The following KICS2 variants were observed in gnomAD, a reference collection of about 807,000 sequenced individuals.
KICS2 encodes the protein KICSTOR subunit 2, also known as KICSTOR complex protein C12orf66.
A neutral mutation model predicts 31.4 loss-of-function variants in KICS2; 13 were observed. The observed-to-expected ratio is 0.41, with a 90% CI of 0.27 to 0.66. The LOEUF is 0.66. KICS2 is among the 30% of genes least tolerant of loss of function. The pLI is 0.28. For synonymous variants in KICS2, 209 were observed against 214.8 expected, an observed-to-expected ratio of 0.97 and a Z score of 0.24; for missense variants, 455 against 545.4, an observed-to-expected ratio of 0.83 and a Z score of 1.65.
chr12:64,216,787 T>C (rs2037633097), intron 1 of KICS2, among the ~76,000 whole-genome samples: 1 of 152,198 alleles, frequency 6.6e-6, no homozygotes, highest in Non-Finnish European at 1.5e-5. Flanking sequence ...CTTCTGTATG[T>C]ACACATGAGC....
rs1555181404 is a variant in KICS2 at position 64,201,628 on chromosome 12, A to AAAC, written c.522-6971_522-6970insGTT. Among the ~76,000 whole-genome samples the AAAC allele has an allele frequency of 2.7e-3, 397 of 146,088 alleles. 5 individuals are homozygous for AAAC. The highest frequency in any genetic ancestry group is 9.2e-3 in the African/African-American group (359 of 38,934). On this transcript the variant is annotated intron_variant, in intron 2 of 2. Coordinates refer to ENST00000398055, the MANE Select transcript of KICS2 (RefSeq NM_152440.5). ...AATAAAAAAAAAAAAAGAAAAAAAA[A>AAAC]AAAAACAAAATGGTGGCCAGCCTGG...
At chr12:64,221,850 G>GAAGGA (rs2037686650) in intron 1 of KICS2, 153 bp downstream of exon 1, 1 of 871,426 alleles carries the variant, frequency 1.1e-6, no homozygotes, top group African/African-American at 1.7e-5. Flanking sequence ...GAAGCCCAGG[G>GAAGGA]AAGGAAAGGA....
At chr12:64,201,618 A>AC (rs2037490147) in intron 2 of KICS2, among the ~76,000 whole-genome samples, 15 of 102,902 alleles carry the variant, frequency 1.5e-4, no homozygotes, top group African/African-American at 6.1e-4. Context: ...AAAAAAAAAA[A>AC]GAAAAAAAAA....
intron 2 of KICS2, among the ~76,000 whole-genome samples, chr12:64,211,733 G>A (rs889148035): frequency 6.6e-6 from 1 of 152,036 alleles, no homozygotes; most frequent in Non-Finnish European, 1.5e-5. Flanking sequence ...TGACCCATGT[G>A]AACATATTAT....
chr12:64,203,289 A>G (rs2037507405), intron 2 of KICS2, among the ~76,000 whole-genome samples: 1 of 152,210 alleles, frequency 6.6e-6, no homozygotes, highest in African/African-American at 2.4e-5. Flanking sequence ...AGTAGACTAG[A>G]ATGGCAGGGA....
downstream of KICS2, chr12:64,187,615 G>A (rs1038964148): frequency 1.3e-6 from 2 of 1,534,602 alleles, no homozygotes; most frequent in African/African-American, 2.7e-5. Context: ...AATAATTCAG[G>A]CAAAAGGCCA....
chr12:64,198,986 G>C (rs2037464546), intron 2 of KICS2, among the ~76,000 whole-genome samples: 1 of 145,062 alleles, frequency 6.9e-6, no homozygotes. Flanking sequence ...AAAGAGTCCA[G>C]GACCAGATGG....
At chr12:64,207,551 G>A (rs898686252) in intron 2 of KICS2, among the ~76,000 whole-genome samples, 1 of 152,148 alleles carries the variant, frequency 6.6e-6, no homozygotes, top group Non-Finnish European at 1.5e-5. Flanking sequence ...GATGCTAACA[G>A]ATTGGCTGCA....
At chr12:64,201,605 T>C (rs937178635) in intron 2 of KICS2, among the ~76,000 whole-genome samples, 1 of 115,650 alleles carries the variant, frequency 8.6e-6, no homozygotes, top group South Asian at 2.9e-4. Flanking sequence ...TAAAGTATAA[T>C]AAAAAAAAAA....
At chr12:64,211,602 C>T (rs555615881) in intron 2 of KICS2, among the ~76,000 whole-genome samples, 7 of 152,018 alleles carry the variant, frequency 4.6e-5, no homozygotes, top group South Asian at 2.1e-4. Flanking sequence ...CTGGGCAACA[C>T]GGCAAGACTC....
intron 2 of KICS2, among the ~76,000 whole-genome samples, chr12:64,214,806 AG>A (rs1478070873): frequency 6.6e-6 from 1 of 152,120 alleles, no homozygotes; most frequent in Non-Finnish European, 1.5e-5. Flanking sequence ...ACTTGAACCC[AG>A]GAGATTACAG....
chr12:64,215,724 C>G lies in KICS2; in HGVS notation c.475G>C (p.Glu159Gln). Residue 159 changes from glutamate to glutamine, a missense_variant, in exon 2 of 3, where the codon GAG (glutamate) becomes CAG (glutamine). Coordinates refer to ENST00000398055, the MANE Select transcript of KICS2 (RefSeq NM_152440.5). ...LSTQKFINAEELVGLLDAIMK... is the reference protein window; with the variant it reads ...LSTQKFINAEQLVGLLDAIMK... ...ATGGCATCCAAAAGGCCAACGAGCT[C>G]TTCAGCATTGATGAACTTCTGTGTG... is the stretch of plus-strand genomic sequence containing the variant. 2 of 1,614,008 alleles carry G rather than the reference C, an allele frequency of 1.2e-6. No homozygotes were observed. The highest frequency in any genetic ancestry group is 1.7e-6 in the Non-Finnish European group (2 of 1,180,034).
At chr12:64,212,858 G>A (rs558423453) in intron 2 of KICS2, among the ~76,000 whole-genome samples, 1 of 152,094 alleles carries the variant, frequency 6.6e-6, no homozygotes, top group Non-Finnish European at 1.5e-5. Context: ...GGGAGGCTGA[G>A]GTGGGTGGAT....
intron 2 of KICS2, among the ~76,000 whole-genome samples, chr12:64,210,563 C>T (rs551451865): frequency 9.2e-5 from 14 of 152,078 alleles, no homozygotes; most frequent in Admixed American, 2.6e-4. Context: ...ATGGCTTGGA[C>T]GCAGGAGTTC....
At chr12:64,194,948 T>TA (rs11454592) in intron 2 of KICS2, among the ~76,000 whole-genome samples, 4 of 129,498 alleles carry the variant, frequency 3.1e-5, no homozygotes, top group African/African-American at 8.3e-5. Context: ...TTTTTTTTTT[T>TA]TATTTATTTA....
At chr12:64,206,777 T>C (rs1452075289) in intron 2 of KICS2, among the ~76,000 whole-genome samples, 1 of 152,144 alleles carries the variant, frequency 6.6e-6, no homozygotes, top group African/African-American at 2.4e-5. Context: ...GTAACTGAAA[T>C]AAGCCAGTCA....
chr12:64,222,211 G>C lies in KICS2; in HGVS notation c.27C>G (p.Ala9=), dbSNP rs370396571. 2.7e-5 allele frequency: 43 copies of C among 1,613,890 alleles called. No homozygotes were observed. The highest frequency in any genetic ancestry group is 3.4e-5 in the Non-Finnish European group (40 of 1,179,956). ...GCACCGCCTGTTCCACCGGGACCGGGGCGGCCAGCGGGATAGACTCCCCCA... is the reference window on the plus strand; with the variant it reads ...GCACCGCCTGTTCCACCGGGACCGGCGCGGCCAGCGGGATAGACTCCCCCA... MGESIPLA[A]PVPVEQAVLE... is the part of the protein sequence containing the mutation. Residue 9 remains alanine, a synonymous_variant, in exon 1 of 3, where the codon GCC becomes GCG. Transcript: ENST00000398055.
intron 1 of KICS2, 48 bp from the exon 2 acceptor site, chr12:64,216,011 G>GT (rs759094220): frequency 1.3e-5 from 20 of 1,510,248 alleles, no homozygotes; most frequent in Admixed American, 2.0e-5. Context: ...AGGAGAAACC[G>GT]TAAGTACCAA....
chr12:64,220,936 A>C (rs1434211002), intron 1 of KICS2, among the ~76,000 whole-genome samples: 4 of 152,154 alleles, frequency 2.6e-5, no homozygotes, highest in Non-Finnish European at 5.9e-5. Flanking sequence ...AAACTATCTG[A>C]CCAGTTTTTG....
Sources: allele counts gnomAD v4.1 joint callset (sites outside exome capture counted in the v4.1 genomes callset), GRCh38; gene constraint gnomAD v4.1.1; transcripts MANE v1.5; gene names NCBI Gene and HGNC (gene_info 2026-07-23, HGNC 2026-07-21).